The following EDIL3 variants were observed in gnomAD, a reference collection of about 807,000 sequenced individuals.
EDIL3 encodes the protein EGF-like repeat and discoidin I-like domain-containing protein 3.
In EDIL3, 37 loss-of-function variants were observed where a neutral mutation model predicts 67.4. That is an observed-to-expected ratio of 0.55 (90% CI 0.42 to 0.72). The LOEUF is 0.72. Ranked by LOEUF, EDIL3 falls within the 30% of genes least tolerant of loss-of-function variation. The probability of loss-of-function intolerance (pLI) is 0.00; values close to 1 mark genes in which losing one functional copy is unlikely to be tolerated. For missense variants in EDIL3, 527 were observed against 586.3 expected (o/e 0.90, Z 1.04); for synonymous variants, 195 against 196.3 (o/e 0.99, Z 0.05).
At chr5:84,152,248 TA>T (rs2112331094) in intron 4 of EDIL3, among the ~76,000 whole-genome samples, 1 of 152,326 alleles carries the variant, frequency 6.6e-6, no homozygotes, top group African/African-American at 2.4e-5. Flanking sequence ...GATATAACTT[TA>T]AAAACTTATA....
At chr5:84,097,134 C>A (rs1182191599) in intron 6 of EDIL3, among the ~76,000 whole-genome samples, 1 of 152,100 alleles carries the variant, frequency 6.6e-6, no homozygotes, top group Non-Finnish European at 1.5e-5. Context: ...CCCATGGTTT[C>A]AATGCACATT....
Position 84,376,469 on chromosome 5 carries a change from T to C in EDIL3, c.67+7839A>G, listed in dbSNP as rs546715626. On this transcript the variant is annotated intron_variant, in intron 1 of 10. Coordinates refer to ENST00000296591, the MANE Select transcript of EDIL3 (RefSeq NM_005711.5). The stretch of plus-strand genomic sequence containing the variant: ...CACTTAGAAGCAGCTTTTCTTTTAA[T>C]TGAAGGTTCATAACAAACACAGTTA... Among the ~76,000 whole-genome samples, 7 of 152,336 alleles carry C rather than the reference T, an allele frequency of 4.6e-5. No homozygotes were observed. The East Asian group carries it at 1.3e-3, about 29-fold the overall frequency.
At chr5:83,998,644 A>G (rs1745275027) in intron 9 of EDIL3, among the ~76,000 whole-genome samples, 1 of 152,212 alleles carries the variant, frequency 6.6e-6, no homozygotes, top group Non-Finnish European at 1.5e-5. Flanking sequence ...CAATTTCTCT[A>G]ATTCCAGGCC....
chr5:84,238,481 G>T (rs1744722686), intron 2 of EDIL3, among the ~76,000 whole-genome samples: 1 of 151,866 alleles, frequency 6.6e-6, no homozygotes, highest in Non-Finnish European at 1.5e-5. Context: ...TTTGGTCAGG[G>T]GGAGTTATCT....
chr5:84,230,763 A>ATTGTGTGTGTGTGTG (rs754636367), intron 2 of EDIL3, among the ~76,000 whole-genome samples: 10 of 137,130 alleles, frequency 7.3e-5, no homozygotes, highest in Non-Finnish European at 1.4e-4. Context: ...CCACTACGTG[A>ATTGTGTGTGTGTGTG]TGTGTGTGTG....
intron 3 of EDIL3, among the ~76,000 whole-genome samples, chr5:84,188,895 T>C (rs1703928328): frequency 6.6e-6 from 1 of 152,048 alleles, no homozygotes; most frequent in South Asian, 2.1e-4. Context: ...CTACCCAGTC[T>C]GTGGTATTTT....
chr5:84,248,745 T>C (rs1298138678), intron 2 of EDIL3, among the ~76,000 whole-genome samples: 1 of 152,038 alleles, frequency 6.6e-6, no homozygotes, highest in Non-Finnish European at 1.5e-5. Context: ...GGGATGCCTT[T>C]CTTTACTCTT....
chr5:84,024,052 A>C (rs556832187), intron 9 of EDIL3, among the ~76,000 whole-genome samples: 6 of 152,294 alleles, frequency 3.9e-5, no homozygotes, highest in African/African-American at 1.4e-4. Context: ...TCTAGGATTT[A>C]GAGATTATTT....
At chr5:84,287,213 G>C (rs900795133) in intron 1 of EDIL3, among the ~76,000 whole-genome samples, 5 of 152,198 alleles carry the variant, frequency 3.3e-5, no homozygotes, top group African/African-American at 1.2e-4. Context: ...AGAATATATA[G>C]TAATCTAATT....
Position 84,180,524 on chromosome 5 carries a change from G to A in EDIL3, c.227-3C>T. On this transcript the variant is annotated splice_polypyrimidine_tract_variant and splice_region_variant and intron_variant, in intron 3 of 10. Transcript: ENST00000296591. ...GCATGGATTAGGAGTGCAGGGACCTGAAAGACAGAAAAAAATATTTCTGCT... is the reference window on the plus strand; with the variant it reads ...GCATGGATTAGGAGTGCAGGGACCTAAAAGACAGAAAAAAATATTTCTGCT... The A allele has an allele frequency of 6.4e-7, 1 of 1,558,734 alleles. No individual in the cohort carries two copies.
chr5:83,975,091 T>C (rs1744856938), intron 9 of EDIL3, among the ~76,000 whole-genome samples: 1 of 152,154 alleles, frequency 6.6e-6, no homozygotes, highest in South Asian at 2.1e-4. Flanking sequence ...AAAACATATA[T>C]GGCTATAGTT....
At chr5:84,123,853 T>G (rs1029402183) in intron 5 of EDIL3, among the ~76,000 whole-genome samples, 1 of 151,916 alleles carries the variant, frequency 6.6e-6, no homozygotes, top group African/African-American at 2.4e-5. Flanking sequence ...AAACAGTAGT[T>G]CCTTTTTACT....
intron 4 of EDIL3, among the ~76,000 whole-genome samples, chr5:84,146,855 T>C (rs76543254): frequency 0.017 from 2,563 of 152,246 alleles, 74 homozygotes; most frequent in African/African-American, 0.058. Context: ...CGGTCACAAT[T>C]CACCTTATGT....
intron 1 of EDIL3, among the ~76,000 whole-genome samples, chr5:84,316,507 C>G (rs1746515341): frequency 6.6e-6 from 1 of 152,076 alleles, no homozygotes; most frequent in African/African-American, 2.4e-5. Flanking sequence ...TCAAAAGAGA[C>G]AAAGAAGGGC....
At chr5:84,332,295 G>A (rs1045525249) in intron 1 of EDIL3, among the ~76,000 whole-genome samples, 15 of 152,080 alleles carry the variant, frequency 9.9e-5, no homozygotes, top group South Asian at 2.1e-4. Context: ...TCACTTGAGC[G>A]CGGGGGTTGG....
In EDIL3 at chr5:84,268,137, C is replaced by CAATA. The variant is rs541817411; in HGVS notation, c.68-13929_68-13926dup. Among the ~76,000 whole-genome samples, 731 of 151,240 alleles carry CAATA rather than the reference C, an allele frequency of 4.8e-3. 6 individuals are homozygous for CAATA. Among genetic ancestry groups the CAATA allele is most frequent in the African/African-American group, 0.014 (564 of 41,096 alleles). The stretch of plus-strand genomic sequence containing the variant: ...GGGTGACAGAGTGAGATCTCGTCTC[C>CAATA]AATAAATAAATAAATAAATAAATAA... On this transcript the variant is annotated intron_variant, in intron 1 of 10. Coordinates refer to ENST00000296591, the MANE Select transcript of EDIL3 (RefSeq NM_005711.5).
At chr5:83,979,465 T>C (rs1238846667) in intron 9 of EDIL3, among the ~76,000 whole-genome samples, 9 of 152,100 alleles carry the variant, frequency 5.9e-5, no homozygotes, top group Non-Finnish European at 1.3e-4. Flanking sequence ...AACTTATCTG[T>C]AGCATTACTG....
intron 6 of EDIL3, among the ~76,000 whole-genome samples, chr5:84,071,300 C>T (rs1357666343): frequency 1.3e-5 from 2 of 152,168 alleles, no homozygotes; most frequent in Admixed American, 6.5e-5. Flanking sequence ...TTTACCCTTC[C>T]TTCTAGATAC....
chr5:84,137,162 CATATATGTGTGTGTGTAT>C (rs1748105725), intron 5 of EDIL3, 61 bp downstream of exon 5: 1 of 958,398 alleles, frequency 1.0e-6, no homozygotes, highest in Non-Finnish European at 1.5e-6. Flanking sequence ...TATATGCATA[CATATATGTGTGTGTGTAT>C]ACATACACAC....
Sources: gnomAD v4.1 joint callset for allele counts (sites outside exome capture counted in the v4.1 genomes callset) on GRCh38, gnomAD v4.1.1 for gene constraint, MANE v1.5 for transcripts, NCBI Gene and HGNC (gene_info 2026-07-23, HGNC 2026-07-21) for gene names.